OSBPL6: variants seen among roughly 807,000 people sequenced by gnomAD.
OSBPL6 encodes oxysterol binding protein like 6.
In OSBPL6, 49 loss-of-function variants were observed where a neutral mutation model predicts 125.8. The ratio of observed to expected loss-of-function variants is 0.39; its 90% CI spans 0.31 to 0.49. The LOEUF is 0.49. Ranked by LOEUF, OSBPL6 falls within the 20% of genes least tolerant of loss-of-function variation. The pLI, the probability that OSBPL6 is intolerant of heterozygous loss-of-function variation, is 0.88. For missense variants in OSBPL6, 986 were observed against 1,135.4 expected (o/e 0.87, Z 1.89); for synonymous variants, 394 against 391.8 (o/e 1.01, Z -0.07).
intron 22 of OSBPL6, among the ~76,000 whole-genome samples, chr2:178,392,036 C>A (rs1240536279): frequency 6.6e-6 from 1 of 152,114 alleles, no homozygotes; most frequent in African/African-American, 2.4e-5. Flanking sequence ...GCATATTTTT[C>A]TTTTCTAAAA....
intron 8 of OSBPL6, among the ~76,000 whole-genome samples, chr2:178,333,912 A>G (rs1472001197): frequency 6.6e-6 from 1 of 152,226 alleles, no homozygotes; most frequent in African/African-American, 2.4e-5. Flanking sequence ...GTTCAGAGAC[A>G]GTAAAAAATT....
chr2:178,326,628 G>A (rs1688716392), intron 4 of OSBPL6, among the ~76,000 whole-genome samples: 1 of 152,148 alleles, frequency 6.6e-6, no homozygotes, highest in African/African-American at 2.4e-5. Context: ...ATTTTATACT[G>A]AGATGAGTTG....
rs1260813165 is a variant in OSBPL6 at position 178,398,826 on chromosome 2, G to T, written c.*3267G>T. 1 of 152,172 alleles carries T rather than the reference G, an allele frequency of 6.6e-6. No individual in the cohort carries two copies. Among genetic ancestry groups the T allele is most frequent in the African/African-American group, 2.4e-5 (1 of 41,430 alleles). 9.4% of individuals were successfully genotyped at this position (152,172 alleles called of 1,614,324 possible). A position where few individuals can be genotyped will look rare whatever the true frequency, so the allele number is the denominator to read the frequency against. The stretch of plus-strand genomic sequence containing the variant: ...CAATTATTAGATCCTGCCCCAAGGA[G>T]CAGTGGCTTGGGGGCTGGATTTAGG... On this transcript the variant is annotated 3_prime_UTR_variant, in exon 25 of 25. Transcript: ENST00000190611.
At chr2:178,327,798 G>A (rs1403693096) in intron 4 of OSBPL6, among the ~76,000 whole-genome samples, 1 of 151,992 alleles carries the variant, frequency 6.6e-6, no homozygotes, top group Non-Finnish European at 1.5e-5. Context: ...GTTATTCCCT[G>A]TTAATAGCAG....
At chr2:178,357,417 G>GGCAAAGGATATGAACAGACACTTC (rs1691903157) in intron 12 of OSBPL6, among the ~76,000 whole-genome samples, 2 of 152,092 alleles carry the variant, frequency 1.3e-5, no homozygotes, top group African/African-American at 4.8e-5. Flanking sequence ...TCAAAAAGTG[G>GGCAAAGGATATGAACAGACACTTC]GCAAAGGATA....
rs764978915 is a variant in OSBPL6 at position 178,384,004 on chromosome 2, C to T, written c.1876-35C>T. On this transcript the variant is annotated intron_variant, in intron 17 of 24. Transcript: ENST00000190611. ...ACAAACAGACCCAGCAGTCGTCTCT[C>T]CTATATTATTCCCTTTTCTTCAATG... 1.9e-6 allele frequency: 3 copies of T among 1,608,200 alleles called. No homozygotes were observed. In the South Asian group the frequency reaches 3.3e-5, roughly 18 times the overall value.
intron 23 of OSBPL6, among the ~76,000 whole-genome samples, chr2:178,393,831 A>G (rs980949488): frequency 1.3e-5 from 2 of 152,128 alleles, no homozygotes; most frequent in Non-Finnish European, 2.9e-5. Context: ...TGCCCTCTCC[A>G]GTAAAACAGG....
chr2:178,322,322 G>A (rs1004612983), intron 3 of OSBPL6, among the ~76,000 whole-genome samples: 4 of 152,110 alleles, frequency 2.6e-5, no homozygotes, highest in East Asian at 1.9e-4. Flanking sequence ...GGGGAGAGTC[G>A]TTAAAGAGAA....
intron 1 of OSBPL6, among the ~76,000 whole-genome samples, chr2:178,253,052 A>T (rs2091753856): frequency 6.6e-6 from 1 of 151,932 alleles, no homozygotes; most frequent in South Asian, 2.1e-4. Context: ...AAGGAGTTTC[A>T]TTCTTGTTGC....
intron 2 of OSBPL6, among the ~76,000 whole-genome samples, chr2:178,296,719 A>T (rs1163602668): frequency 6.6e-6 from 1 of 152,144 alleles, no homozygotes; most frequent in East Asian, 1.9e-4. Context: ...GCTCACCACT[A>T]GATACGTGCC....
At chr2:178,319,981 A>G (rs1366127074) in intron 3 of OSBPL6, among the ~76,000 whole-genome samples, 3 of 152,238 alleles carry the variant, frequency 2.0e-5, no homozygotes, top group African/African-American at 7.2e-5. Context: ...TCCTAAATTT[A>G]TAGAAAAAGT....
At chr2:178,382,701 A>G (rs2154114039) in intron 16 of OSBPL6, 194 bp downstream of exon 16, 1 of 1,453,896 alleles carries the variant, frequency 6.9e-7, no homozygotes, top group Non-Finnish European at 9.1e-7. Context: ...TTAGGTAAAT[A>G]GTTAAGAGAA....
chr2:178,355,273 C>G (rs1282664614), intron 12 of OSBPL6, among the ~76,000 whole-genome samples: 1 of 151,970 alleles, frequency 6.6e-6, no homozygotes, highest in African/African-American at 2.4e-5. Flanking sequence ...ACAAAAAAAC[C>G]CTTCAAAAAA....
chr2:178,386,887 C>T (rs1176541674), intron 19 of OSBPL6, among the ~76,000 whole-genome samples, 174 bp from the exon 20 acceptor site: 1 of 151,880 alleles, frequency 6.6e-6, no homozygotes, highest in African/African-American at 2.4e-5. Flanking sequence ...TTTTGGTTCA[C>T]AGTTAATATT....
Position 178,332,934 on chromosome 2 carries a change from C to T in OSBPL6, c.550C>T (p.Gln184Ter). The T allele has an allele frequency of 6.2e-7, 1 of 1,614,144 alleles. No homozygotes were observed. Among genetic ancestry groups the T allele is most frequent in the Non-Finnish European group, 8.5e-7 (1 of 1,179,984 alleles). The part of the protein sequence containing the change: ...SKLRHHRLYR[Q>*]NEIVRSPRDA... The stretch of plus-strand genomic sequence containing the variant: ...ACTGCGACATCATCGGTTGTATCGT[C>T]AGAATGAAATTGTGAGATCACCAAG... Residue 184 changes from glutamine to a stop codon, truncating the protein, a stop_gained, in exon 8 of 25, where the codon CAG (glutamine) becomes TAG (stop). Coordinates refer to ENST00000190611, the MANE Select transcript of OSBPL6 (RefSeq NM_032523.4). LOFTEE classifies it high-confidence loss of function.
At chr2:178,339,154 GGTT>G (rs1689968223) in intron 10 of OSBPL6, 60 bp downstream of exon 10, 1 of 1,051,684 alleles carries the variant, frequency 9.5e-7, no homozygotes, top group Non-Finnish European at 1.4e-6. Flanking sequence ...CTCTTTATTG[GGTT>G]GTTCTATGAA....
chr2:178,273,014 G>A (rs1574705736), intron 1 of OSBPL6, among the ~76,000 whole-genome samples: 1 of 152,226 alleles, frequency 6.6e-6, no homozygotes, highest in Non-Finnish European at 1.5e-5. Context: ...GAGCCACAGA[G>A]AATGGCTTCT....
chr2:178,389,039 C>T lies in OSBPL6; in HGVS notation c.2187C>T (p.Val729=). 2 of 1,613,898 alleles carry T rather than the reference C, an allele frequency of 1.2e-6. No homozygotes were observed. The highest frequency in any genetic ancestry group is 1.7e-6 in the Non-Finnish European group (2 of 1,179,944). The part of the protein sequence containing the change: ...KYGDYYVWNK[V]TTCIHNILSG... ...GAGATTACTATGTGTGGAATAAAGT[C>T]ACCACTTGCATACACAACATCCTCA... Residue 729 remains valine, a synonymous_variant, in exon 21 of 25, where the codon GTC becomes GTT. Transcript: ENST00000190611.
At chr2:178,291,665 TCTTCCTTC>T (rs71023439) in intron 2 of OSBPL6, among the ~76,000 whole-genome samples, 2,546 of 135,482 alleles carry the variant, frequency 0.019, 74 homozygotes, top group African/African-American at 0.065. Context: ...ACAGGTAGTC[TCTTCCTTC>T]CTTCCTTCCT....
Sources: gnomAD v4.1 joint callset for allele counts (sites outside exome capture counted in the v4.1 genomes callset) on GRCh38, gnomAD v4.1.1 for gene constraint, MANE v1.5 for transcripts, NCBI Gene and HGNC (gene_info 2026-07-23, HGNC 2026-07-21) for gene names.